Variants in ZPLD1 observed in about 807,000 individuals in gnomAD.
ZPLD1 encodes the protein zona pellucida-like domain-containing protein 1.
Under a neutral mutation model 47.2 loss-of-function variants are expected in ZPLD1, and 34 were observed. The ratio of observed to expected loss-of-function variants is 0.72; its 90% CI spans 0.55 to 0.96. The LOEUF (loss-of-function observed/expected upper bound fraction) is 0.96, where lower values mean the gene tolerates loss of function less well. Ranked by LOEUF, ZPLD1 falls within the 40% of genes least tolerant of loss-of-function variation. ZPLD1 has a pLI of 0.00. For synonymous variants in ZPLD1, 176 were observed against 186.2 expected (o/e 0.95, Z 0.45); for missense variants, 512 against 505.8 (o/e 1.01, Z -0.12).
At chr3:102,392,311 A>T (rs1048536151) in intron 7 of ZPLD1, 3 of 152,192 alleles carry the variant, frequency 2.0e-5, no homozygotes, top group African/African-American at 7.2e-5. Flanking sequence ...TGTTGCTTGC[A>T]ACAAAATAAC....
chr3:102,387,547 G>A (rs1040475171), intron 6 of ZPLD1, among the ~76,000 whole-genome samples: 1 of 151,964 alleles, frequency 6.6e-6, no homozygotes, highest in Admixed American at 6.5e-5. Flanking sequence ...ATCAGGACTG[G>A]CTCTTGGATC....
At chr3:102,467,836 T>C (rs1426947835) in intron 8 of ZPLD1, among the ~76,000 whole-genome samples, 1 of 140,900 alleles carries the variant, frequency 7.1e-6, no homozygotes, top group Non-Finnish European at 1.6e-5. Context: ...AATAAAACTG[T>C]ACACACACAC....
At chr3:102,418,546 C>T (rs1706838232) in intron 8 of ZPLD1, among the ~76,000 whole-genome samples, 1 of 151,954 alleles carries the variant, frequency 6.6e-6, no homozygotes, top group African/African-American at 2.4e-5. Flanking sequence ...TCTTGAGGTT[C>T]AGACTTGAGG....
At position 102,470,464 on chromosome 3, in the gene ZPLD1, G is replaced by T. The variant is rs1707663372; in HGVS notation, c.1004G>T (p.Ser335Ile). The T allele has an allele frequency of 6.2e-7, 1 of 1,613,940 alleles. No homozygotes were observed. Among genetic ancestry groups the T allele is most frequent in the African/African-American group, 1.3e-5 (1 of 74,888 alleles). Residue 335 changes from serine to isoleucine, a missense_variant, in exon 10 of 12, where the codon AGC becomes ATC. Physicochemically the swap from Ser to Ile is moderately radical, Grantham distance 142 (BLOSUM62 -2). Transcript: ENST00000466937. ...TTWSPQSSSG[S>I]AVLSAGPIIT... Reference sequence around the variant, plus strand: ...TGGAGCCCCCAGAGCTCTTCTGGCAGCGCGGTGCTCTCTGCTGGTCCCATC... The same window carrying T: ...TGGAGCCCCCAGAGCTCTTCTGGCATCGCGGTGCTCTCTGCTGGTCCCATC...
At chr3:102,441,143 G>T (rs1707170852) in intron 3 of ZPLD1, among the ~76,000 whole-genome samples, 1 of 152,090 alleles carries the variant, frequency 6.6e-6, no homozygotes. Context: ...GGATAAGAAG[G>T]CCAAGTAATA....
chr3:102,462,429 A>G (rs894121212), intron 7 of ZPLD1, 51 bp downstream of exon 7: 1 of 1,278,018 alleles, frequency 7.8e-7, no homozygotes, highest in African/African-American at 1.5e-5. Context: ...GACTGCCTAA[A>G]TCCTCATGAG....
intron 7 of ZPLD1, among the ~76,000 whole-genome samples, chr3:102,400,184 G>C (rs901927910): frequency 1.3e-5 from 2 of 152,028 alleles, no homozygotes; most frequent in Middle Eastern, 3.2e-3. Flanking sequence ...CCAAGCTAAG[G>C]TAGTCATGAT....
intron 10 of ZPLD1, among the ~76,000 whole-genome samples, chr3:102,472,546 A>G (rs979724663): frequency 2.6e-5 from 4 of 152,016 alleles, no homozygotes; most frequent in East Asian, 1.9e-4. Context: ...AAAAAAAAAA[A>G]AAGACTGGTT....
chr3:102,439,138 AATG>A (rs1432960515), intron 3 of ZPLD1, among the ~76,000 whole-genome samples: 3 of 152,206 alleles, frequency 2.0e-5, no homozygotes, highest in Non-Finnish European at 2.9e-5. Context: ...ACCTGCATTC[AATG>A]ATAAGTTACT....
At chr3:102,439,568 C>CT (rs1189804245) in intron 3 of ZPLD1, among the ~76,000 whole-genome samples, 8 of 152,020 alleles carry the variant, frequency 5.3e-5, no homozygotes, top group Non-Finnish European at 1.0e-4. Context: ...CAAAAATGAG[C>CT]TTTTTTTACA....
intron 7 of ZPLD1, among the ~76,000 whole-genome samples, chr3:102,411,551 G>A (rs966905233): frequency 6.6e-6 from 1 of 151,698 alleles, no homozygotes; most frequent in African/African-American, 2.4e-5. Context: ...TTCTGGAACT[G>A]GGCTTGGTGA....
At chr3:102,393,352 C>T (rs542433872) in intron 7 of ZPLD1, among the ~76,000 whole-genome samples, 34 of 152,236 alleles carry the variant, frequency 2.2e-4, no homozygotes, top group African/African-American at 8.2e-4. Context: ...GTCACTTTCT[C>T]AAGTCGTTCT....
intron 8 of ZPLD1, among the ~76,000 whole-genome samples, chr3:102,466,110 T>C (rs552328938): frequency 1.3e-5 from 2 of 152,294 alleles, no homozygotes; most frequent in African/African-American, 4.8e-5. Flanking sequence ...AGGAATCGCC[T>C]GGGAAGGCAG....
Position 102,477,650 on chromosome 3 carries a change from T to C in ZPLD1, c.*32T>C. 6.4e-7 allele frequency: 1 copy of C among 1,569,492 alleles called. No individual in the cohort carries two copies. Among genetic ancestry groups the C allele is most frequent in the Non-Finnish European group, 8.6e-7 (1 of 1,158,942 alleles). On this transcript the variant is annotated 3_prime_UTR_variant, in exon 12 of 12. Transcript: ENST00000466937. ...CAGATTCCTGCTCTCTGGAGAAGGC[T>C]TCACTGACTAAACTATGTGTGACTG...
chr3:102,465,142 A>G (rs969502177), intron 8 of ZPLD1, among the ~76,000 whole-genome samples: 1 of 152,224 alleles, frequency 6.6e-6, no homozygotes, highest in Admixed American at 6.5e-5. Context: ...TAAAAATTTC[A>G]TATTCTTTGA....
At chr3:102,436,148 C>A (rs192509681) in intron 1 of ZPLD1, among the ~76,000 whole-genome samples, 1 of 152,226 alleles carries the variant, frequency 6.6e-6, no homozygotes, top group East Asian at 1.9e-4. Flanking sequence ...CAGTGTCATG[C>A]CTTTTTGGGA....
intron 6 of ZPLD1, among the ~76,000 whole-genome samples, chr3:102,385,684 C>A (rs957816484): frequency 1.3e-5 from 2 of 152,184 alleles, no homozygotes; most frequent in African/African-American, 4.8e-5. Flanking sequence ...GTTAACAGCA[C>A]TACACAGAAT....
At chr3:102,458,536 G>A (rs1707454940) in intron 6 of ZPLD1, among the ~76,000 whole-genome samples, 1 of 152,088 alleles carries the variant, frequency 6.6e-6, no homozygotes, top group Non-Finnish European at 1.5e-5. Context: ...CAACATTTCT[G>A]TAAATTATGA....
chr3:102,435,484 A>G (rs1409330765), intron 1 of ZPLD1, among the ~76,000 whole-genome samples: 1 of 152,138 alleles, frequency 6.6e-6, no homozygotes, highest in African/African-American at 2.4e-5. Context: ...AGACCTAGAC[A>G]TTGTTTTCCT....
Sources: gnomAD v4.1 joint callset for allele counts (sites outside exome capture counted in the v4.1 genomes callset) on GRCh38, gnomAD v4.1.1 for gene constraint, MANE v1.5 for transcripts, NCBI Gene and HGNC (gene_info 2026-07-23, HGNC 2026-07-21) for gene names.